Variants in STYXL1 observed in about 807,000 individuals in gnomAD.
The protein encoded by STYXL1 is serine/threonine/tyrosine-interacting-like protein 1.
STYXL1 carries 32 observed loss-of-function variants against 36.4 expected under a neutral mutation model. The observed-to-expected ratio is 0.88, with a 90% CI of 0.66 to 1.18. STYXL1 has a LOEUF of 1.18. Ranked by LOEUF, STYXL1 falls within the 50% of genes most tolerant of loss-of-function variation. The pLI is 0.00. For synonymous variants in STYXL1, 133 were observed against 144.1 expected, an observed-to-expected ratio of 0.92 and a Z score of 0.55; for missense variants, 354 against 394.1, an observed-to-expected ratio of 0.90 and a Z score of 0.86.
Position 76,036,440 on chromosome 7 carries a change from C to G in STYXL1, c.-4-5913G>C, listed in dbSNP as rs991134931. ...CTGTCCTTAGCTCCACCATTTGAGC[C>G]CTCAAGGATATTCTGATGTATCGTG... On this transcript the variant is annotated intron_variant, in intron 1 of 8. Transcript: ENST00000359697. Among the ~76,000 whole-genome samples the G allele has an allele frequency of 8.0e-5, 12 of 149,944 alleles. 2 individuals carry two copies. The highest frequency in any genetic ancestry group is 6.7e-5 in the Admixed American group (1 of 15,036).
intron 1 of STYXL1, among the ~76,000 whole-genome samples, chr7:76,040,505 T>G (rs1796375011): frequency 6.6e-6 from 1 of 152,150 alleles, no homozygotes; most frequent in African/African-American, 2.4e-5. Context: ...GCCAACTCCT[T>G]TGACTTCCAG....
intron 5 of STYXL1, among the ~76,000 whole-genome samples, chr7:76,012,645 T>C (rs1002420897): frequency 6.6e-6 from 1 of 152,200 alleles, no homozygotes; most frequent in Non-Finnish European, 1.5e-5. Flanking sequence ...TCCATCCAGC[T>C]TGGCCTCCAA....
chr7:76,032,815 T>G (rs1795516576), intron 1 of STYXL1, among the ~76,000 whole-genome samples: 1 of 152,092 alleles, frequency 6.6e-6, no homozygotes, highest in African/African-American at 2.4e-5. Flanking sequence ...ATGTGACTGC[T>G]AAACTGAGAC....
intron 8 of STYXL1, among the ~76,000 whole-genome samples, chr7:75,999,556 T>TGTGTGTGTGTGTGTGTGTG (rs56000336): frequency 1.4e-5 from 2 of 145,944 alleles, no homozygotes; most frequent in African/African-American, 2.5e-5. Context: ...TGTGTGTATA[T>TGTGTGTGTGTGTGTGTGTG]TTTTTTTTGA....
chr7:76,019,496 G>A (rs1585252307), intron 4 of STYXL1, among the ~76,000 whole-genome samples: 1 of 151,356 alleles, frequency 6.6e-6, no homozygotes, highest in East Asian at 2.0e-4. Context: ...TAGAGACGGG[G>A]CCTTGCTATG....
intron 6 of STYXL1, among the ~76,000 whole-genome samples, 180 bp from the exon 7 acceptor site, chr7:76,004,035 T>A (rs1324947739): frequency 6.6e-6 from 1 of 151,992 alleles, no homozygotes; most frequent in Non-Finnish European, 1.5e-5. Context: ...TGGTGGCTCA[T>A]GAATAAGCCC....
chr7:76,016,270 G>A (rs575542225), intron 4 of STYXL1, among the ~76,000 whole-genome samples: 83 of 151,144 alleles, frequency 5.5e-4, no homozygotes, highest in African/African-American at 1.9e-3. Flanking sequence ...CTATATGTAT[G>A]TGTGTATATA....
chr7:76,021,022 T>C (rs968002316), intron 4 of STYXL1, among the ~76,000 whole-genome samples: 3 of 152,140 alleles, frequency 2.0e-5, no homozygotes, highest in Non-Finnish European at 4.4e-5. Flanking sequence ...TCCAACCTGC[T>C]TGCTCACAGC....
intron 1 of STYXL1, among the ~76,000 whole-genome samples, chr7:76,046,298 G>C (rs1244140692): frequency 2.8e-3 from 64 of 23,166 alleles, no homozygotes; most frequent in African/African-American, 5.0e-3. Flanking sequence ...GTGTGTGTGT[G>C]TGTGTGTGTG....
chr7:76,005,421 G>T lies in STYXL1; in HGVS notation c.454-17C>A. 6.3e-7 allele frequency: 1 copy of T among 1,587,932 alleles called. No homozygotes were observed. The highest frequency in any genetic ancestry group is 8.6e-7 in the Non-Finnish European group (1 of 1,161,748). Reference sequence around the variant, plus strand: ...ATCCAGTTCCTGAAGTGTGGAGGGAGAAAGGCAGCTATGAGCATATTCCTC... The same window carrying T: ...ATCCAGTTCCTGAAGTGTGGAGGGATAAAGGCAGCTATGAGCATATTCCTC... On this transcript the variant is annotated splice_polypyrimidine_tract_variant and intron_variant, in intron 5 of 8. Transcript: ENST00000359697.
At chr7:76,005,881 G>GAGAGAGGAGGAGAGAGGA (rs1554570132) in intron 5 of STYXL1, among the ~76,000 whole-genome samples, 107 of 119,094 alleles carry the variant, frequency 9.0e-4, no homozygotes, top group African/African-American at 3.1e-3. Context: ...GAGAGGAGGA[G>GAGAGAGGAGGAGAGAGGA]AGAGGAGGAG....
intron 1 of STYXL1, among the ~76,000 whole-genome samples, chr7:76,047,097 TAA>T (rs59978907): frequency 0.94 from 142,666 of 151,074 alleles, 67,730 homozygotes; most frequent in Middle Eastern, 0.99. Flanking sequence ...CCGTCTCTAC[TAA>T]AAAAAAAATA....
At position 76,047,934 on chromosome 7, in the gene STYXL1, T is replaced by C. The variant is rs984536274; in HGVS notation, c.-277A>G. The C allele has an allele frequency of 5.9e-5, 86 of 1,449,210 alleles. No individual in the cohort carries two copies. The East Asian group carries it at 2.0e-3, about 34-fold the overall frequency. The allele number at this position is 1,449,210 out of a possible 1,614,324, so 89.8% of individuals were successfully genotyped here. On this transcript the variant is annotated 5_prime_UTR_variant, in exon 1 of 9. Coordinates refer to ENST00000359697, the MANE Select transcript of STYXL1 (RefSeq NM_001317785.2). Reference sequence around the variant, plus strand: ...CCACCGGCCACACAGACGGCTACGCTAGAACCCAGCCAAACACCGGGGTTG... The same window carrying C: ...CCACCGGCCACACAGACGGCTACGCCAGAACCCAGCCAAACACCGGGGTTG...
intron 1 of STYXL1, among the ~76,000 whole-genome samples, chr7:76,042,390 CTTTTTTTT>C (rs528469396): frequency 1.0e-3 from 43 of 41,832 alleles, no homozygotes; most frequent in South Asian, 5.3e-3. Flanking sequence ...CCCTTATGTG[CTTTTTTTT>C]TTTTTTTTTT....
At chr7:76,030,322 T>C in intron 2 of STYXL1, 99 bp downstream of exon 2, 1 of 845,818 alleles carries the variant, frequency 1.2e-6, no homozygotes, top group Non-Finnish European at 1.9e-6. Context: ...TCTAAAGTCA[T>C]TCACTGCCCC....
chr7:76,022,596 C>T (rs1488557797), intron 3 of STYXL1, among the ~76,000 whole-genome samples: 2 of 152,044 alleles, frequency 1.3e-5, no homozygotes, highest in Admixed American at 6.6e-5. Context: ...GCCCAGGAGG[C>T]GGAGGCTGCA....
chr7:76,032,436 C>T (rs956730660), intron 1 of STYXL1, among the ~76,000 whole-genome samples: 23 of 148,214 alleles, frequency 1.6e-4, no homozygotes, highest in Admixed American at 1.3e-3. Context: ...ATCAGCTGGG[C>T]GTGGTGGCTC....
intron 7 of STYXL1, 51 bp downstream of exon 7, chr7:76,003,707 C>G: frequency 6.4e-7 from 1 of 1,561,506 alleles, no homozygotes; most frequent in Non-Finnish European, 8.8e-7. Context: ...CACTGCCCCT[C>G]TGCTTCCCAG....
chr7:76,002,675 G>A (rs538202779), intron 7 of STYXL1, among the ~76,000 whole-genome samples: 38 of 152,282 alleles, frequency 2.5e-4, no homozygotes, highest in Non-Finnish European at 5.3e-4. Flanking sequence ...TGTAATCCCA[G>A]TACTTTGGGA....
Sources: gnomAD v4.1 joint callset for allele counts (sites outside exome capture counted in the v4.1 genomes callset) on GRCh38, gnomAD v4.1.1 for gene constraint, MANE v1.5 for transcripts, NCBI Gene and HGNC (gene_info 2026-07-23, HGNC 2026-07-21) for gene names.